The following MAST2 variants were observed in gnomAD, a reference collection of about 807,000 sequenced individuals.
MAST2 encodes microtubule-associated serine/threonine-protein kinase 2.
MAST2 carries 70 observed loss-of-function variants against 147.4 expected under a neutral mutation model. The ratio of observed to expected loss-of-function variants is 0.47; its 90% CI spans 0.39 to 0.58. The LOEUF is 0.58. MAST2 is among the 20% of genes least tolerant of loss of function. The pLI is 0.00. For missense variants in MAST2, 2,080 were observed against 2,302.3 expected, an observed-to-expected ratio of 0.90 and a Z score of 1.98; for synonymous variants, 869 against 896.8, an observed-to-expected ratio of 0.97 and a Z score of 0.55.
chr1:46,014,617 A>G (rs1487962067), intron 10 of MAST2, among the ~76,000 whole-genome samples: 1 of 152,042 alleles, frequency 6.6e-6, no homozygotes, highest in East Asian at 1.9e-4. Context: ...TTCAACAAGA[A>G]GAGCTAACTA....
chr1:45,878,223 A>AAT (rs1280477410), intron 3 of MAST2, among the ~76,000 whole-genome samples: 1 of 143,468 alleles, frequency 7.0e-6, no homozygotes, highest in Non-Finnish European at 1.5e-5. Context: ...AAAAAAAAAA[A>AAT]GTTGACTTTA....
chr1:46,009,021 G>A lies in MAST2; in HGVS notation c.978+650G>A, dbSNP rs550627208. Among the ~76,000 whole-genome samples the A allele has an allele frequency of 2.0e-5, 3 of 152,302 alleles. No homozygotes were observed. The South Asian group carries it at 6.2e-4, about 32-fold the overall frequency. ...CTGCTGCTTGGCTGTGAACCTCCTT[G>A]TATATGGAACTAGGATCTTGTTTCC... On this transcript the variant is annotated intron_variant, in intron 9 of 28. Transcript: ENST00000361297.
chr1:45,916,663 TTTACTC>T (rs1452161156), intron 4 of MAST2, among the ~76,000 whole-genome samples: 3 of 152,326 alleles, frequency 2.0e-5, no homozygotes, highest in African/African-American at 7.2e-5. Context: ...TTCAGAATGT[TTTACTC>T]TTAGGGACAT....
intron 5 of MAST2, among the ~76,000 whole-genome samples, chr1:45,971,926 A>T (rs1643927295): frequency 6.6e-6 from 1 of 152,140 alleles, no homozygotes; most frequent in Admixed American, 6.5e-5. Context: ...GCATATTTTA[A>T]TGTTGTTTGT....
In MAST2 at chr1:45,838,057, G is replaced by T. The variant is rs186635789; in HGVS notation, c.468+8476G>T. On this transcript the variant is annotated intron_variant, in intron 3 of 28. Transcript: ENST00000361297. ...GCCTCCCAAAGTGCTGGGATTACAGGTGTGAGCCACCGCACCCGGCTATCA... is the reference window on the plus strand; with the variant it reads ...GCCTCCCAAAGTGCTGGGATTACAGTTGTGAGCCACCGCACCCGGCTATCA... 1.1e-4 allele frequency among the ~76,000 whole-genome samples: 16 copies of T among 152,104 alleles called. 1 individual carries two copies. Among genetic ancestry groups the T allele is most frequent in the Admixed American group, 9.8e-4 (15 of 15,272 alleles).
intron 4 of MAST2, among the ~76,000 whole-genome samples, chr1:45,898,548 T>A (rs1269702793): frequency 2.6e-5 from 4 of 152,172 alleles, no homozygotes; most frequent in African/African-American, 9.7e-5. Flanking sequence ...ACTCTGAGAA[T>A]TTTTATCTTC....
chr1:45,926,918 A>G (rs887062407), intron 4 of MAST2, among the ~76,000 whole-genome samples: 5 of 152,236 alleles, frequency 3.3e-5, no homozygotes, highest in Admixed American at 1.3e-4. Context: ...GCTCTTGCCT[A>G]TCAGGGGACC....
At chr1:45,913,522 C>T (rs1651993148) in intron 4 of MAST2, 1 of 923,660 alleles carries the variant, frequency 1.1e-6, no homozygotes, top group Non-Finnish European at 1.3e-6. Flanking sequence ...GAACAAGGTG[C>T]TTTCTGTAGC....
chr1:45,941,118 G>A (rs1356456294), intron 4 of MAST2, among the ~76,000 whole-genome samples: 3 of 152,086 alleles, frequency 2.0e-5, no homozygotes, highest in Non-Finnish European at 2.9e-5. Flanking sequence ...TGCCCTGAGT[G>A]CTTTTCTTTT....
chr1:46,007,032 C>T (rs964713159), intron 8 of MAST2, among the ~76,000 whole-genome samples: 1 of 152,190 alleles, frequency 6.6e-6, no homozygotes, highest in Non-Finnish European at 1.5e-5. Context: ...CTGGGCACAT[C>T]TTCATCAAAC....
intron 4 of MAST2, among the ~76,000 whole-genome samples, chr1:45,938,742 A>G (rs914026049): frequency 1.3e-5 from 2 of 152,180 alleles, no homozygotes; most frequent in Non-Finnish European, 2.9e-5. Flanking sequence ...TCTCTTCTTG[A>G]TTTTAACCAT....
At chr1:45,903,981 T>C (rs1396846127) in intron 4 of MAST2, among the ~76,000 whole-genome samples, 1 of 152,214 alleles carries the variant, frequency 6.6e-6, no homozygotes, top group Non-Finnish European at 1.5e-5. Flanking sequence ...AAGTCCACTT[T>C]TCCTATGTTC....
chr1:45,909,667 G>A (rs984727007), intron 4 of MAST2, among the ~76,000 whole-genome samples: 9 of 151,676 alleles, frequency 5.9e-5, no homozygotes, highest in Non-Finnish European at 7.4e-5. Context: ...ACAGGCATGC[G>A]CCCCCACGCC....
At position 45,977,887 on chromosome 1, in the gene MAST2, C is replaced by G. The variant is rs1233562207; in HGVS notation, c.592+18410C>G. Among the ~76,000 whole-genome samples the G allele has an allele frequency of 4.0e-5, 6 of 150,628 alleles. No homozygotes were observed. The South Asian group carries it at 1.3e-3, about 32-fold the overall frequency. ...CACAAGGTGCGAGAAGATAATGTGACACATAAAAGTAACAAAGGACTTGGG... is the reference window on the plus strand; with the variant it reads ...CACAAGGTGCGAGAAGATAATGTGAGACATAAAAGTAACAAAGGACTTGGG... On this transcript the variant is annotated intron_variant, in intron 5 of 28. Transcript: ENST00000361297.
At chr1:45,925,563 G>A (rs968027431) in intron 4 of MAST2, among the ~76,000 whole-genome samples, 1 of 152,144 alleles carries the variant, frequency 6.6e-6, no homozygotes, top group Non-Finnish European at 1.5e-5. Flanking sequence ...CTATTCACTG[G>A]CCCAGCTGTA....
At chr1:45,916,742 A>G (rs547819117) in intron 4 of MAST2, among the ~76,000 whole-genome samples, 1 of 152,292 alleles carries the variant, frequency 6.6e-6, no homozygotes, top group South Asian at 2.1e-4. Flanking sequence ...CTGCTAATTG[A>G]TGTAGTAAAT....
chr1:45,957,802 T>A (rs1260841277), intron 4 of MAST2, among the ~76,000 whole-genome samples: 1 of 152,182 alleles, frequency 6.6e-6, no homozygotes, highest in African/African-American at 2.4e-5. Flanking sequence ...TCACTGTGAA[T>A]ATAAAGACAC....
At chr1:45,832,067 A>AC (rs1451083139) in intron 3 of MAST2, among the ~76,000 whole-genome samples, 3 of 152,144 alleles carry the variant, frequency 2.0e-5, no homozygotes, top group Non-Finnish European at 4.4e-5. Flanking sequence ...GGCGTGAGCC[A>AC]CCGCACCTGG....
intron 3 of MAST2, among the ~76,000 whole-genome samples, chr1:45,871,776 T>G (rs1410626263): frequency 2.0e-5 from 3 of 152,242 alleles, no homozygotes; most frequent in Non-Finnish European, 4.4e-5. Flanking sequence ...CCTAGAATGT[T>G]CACCACTCCT....
Sources: gnomAD v4.1 joint callset for allele counts (sites outside exome capture counted in the v4.1 genomes callset) on GRCh38, gnomAD v4.1.1 for gene constraint, MANE v1.5 for transcripts, NCBI Gene and HGNC (gene_info 2026-07-23, HGNC 2026-07-21) for gene names.